The following TYW1B variants were observed in gnomAD, a reference collection of about 807,000 sequenced individuals.
TYW1B encodes S-adenosyl-L-methionine-dependent tRNA 4-demethylwyosine synthase TYW1B.
Under a neutral mutation model 86.9 loss-of-function variants are expected in TYW1B, and 73 were observed. That is an observed-to-expected ratio of 0.84 (90% CI 0.70 to 1.02). The LOEUF (loss-of-function observed/expected upper bound fraction) is 1.02. Ranked by LOEUF, TYW1B falls within the 50% of genes least tolerant of loss-of-function variation. TYW1B has a pLI of 0.00. For synonymous variants in TYW1B, 248 were observed against 292.8 expected (o/e 0.85, Z 1.56); for missense variants, 637 against 827.4 (o/e 0.77, Z 2.82).
At chr7:72,617,690 A>C (rs1285004987) in intron 12 of TYW1B, among the ~76,000 whole-genome samples, 4 of 152,238 alleles carry the variant, frequency 2.6e-5, no homozygotes, top group Admixed American at 1.3e-4. Flanking sequence ...TAAGGAGTTC[A>C]TTTTGTAATG....
At chr7:72,722,731 C>A (rs1256133200) in intron 9 of TYW1B, among the ~76,000 whole-genome samples, 1 of 152,162 alleles carries the variant, frequency 6.6e-6, no homozygotes, top group Non-Finnish European at 1.5e-5. Context: ...GGAACTCAGA[C>A]AATAAGCAAC....
intron 11 of TYW1B, among the ~76,000 whole-genome samples, chr7:72,663,586 G>A (rs868926205): frequency 7.9e-5 from 12 of 151,560 alleles, no homozygotes; most frequent in East Asian, 1.9e-4. Context: ...GTGAAACCCC[G>A]TCTTTACTAA....
chr7:72,630,804 A>T (rs1371405353), intron 11 of TYW1B, among the ~76,000 whole-genome samples: 1 of 152,170 alleles, frequency 6.6e-6, no homozygotes, highest in Non-Finnish European at 1.5e-5. Context: ...AATCTTCCAG[A>T]TTCCCTTTAC....
chr7:72,711,663 AT>A lies in TYW1B; in HGVS notation c.1370+1957del, dbSNP rs1786671901. Among the ~76,000 whole-genome samples the A allele has an allele frequency of 3.3e-5, 5 of 150,076 alleles. No individual in the cohort carries two copies. In the South Asian group the frequency reaches 1.1e-3, roughly 32 times the overall value. On this transcript the variant is annotated intron_variant, in intron 10 of 13. Coordinates refer to ENST00000620995, the MANE Select transcript of TYW1B (RefSeq NM_001145440.3). ...TATTATTATTATTATTTGTATTTGT[AT>A]TTTTAGTAGAGACGGGGTTTCACCA...
chr7:72,715,156 C>A (rs1332354668), intron 9 of TYW1B, among the ~76,000 whole-genome samples: 7 of 152,004 alleles, frequency 4.6e-5, no homozygotes, highest in Non-Finnish European at 1.0e-4. Flanking sequence ...AAACGCCAAT[C>A]TCTGGCGGAG....
intron 12 of TYW1B, among the ~76,000 whole-genome samples, chr7:72,627,374 G>A (rs528613731): frequency 2.0e-5 from 3 of 151,924 alleles, no homozygotes; most frequent in South Asian, 2.1e-4. Context: ...CTTGAACCCG[G>A]GAGGCGGAGG....
intron 7 of TYW1B, among the ~76,000 whole-genome samples, chr7:72,747,588 C>G (rs1375507353): frequency 7.2e-5 from 11 of 152,324 alleles, no homozygotes; most frequent in Admixed American, 7.2e-4. Context: ...TGTGACAGCA[C>G]AGTAAGCTAC....
At chr7:72,607,464 AAAAGAGAAGAAG>A (rs1417147274) in intron 13 of TYW1B, among the ~76,000 whole-genome samples, 1 of 150,376 alleles carries the variant, frequency 6.6e-6, no homozygotes, top group East Asian at 1.9e-4. Flanking sequence ...AAGAAGAAAG[AAAAGAGAAGAAG>A]GAAGAGAAGG....
intron 8 of TYW1B, among the ~76,000 whole-genome samples, chr7:72,736,669 T>C (rs1476318028): frequency 6.6e-6 from 1 of 152,224 alleles, no homozygotes; most frequent in Non-Finnish European, 1.5e-5. Context: ...TAATCTACTT[T>C]CTGTCTCTAC....
At chr7:72,695,499 C>T (rs1474057195) in intron 10 of TYW1B, among the ~76,000 whole-genome samples, 1 of 152,074 alleles carries the variant, frequency 6.6e-6, no homozygotes, top group African/African-American at 2.4e-5. Context: ...TCCATGAATA[C>T]CACTCATTCT....
intron 5 of TYW1B, among the ~76,000 whole-genome samples, 168 bp from the exon 6 acceptor site, chr7:72,802,690 G>A (rs1251055275): frequency 2.6e-5 from 4 of 151,858 alleles, no homozygotes; most frequent in South Asian, 2.1e-4. Context: ...GCGTCATCTC[G>A]GCTCACTGCA....
At chr7:72,718,269 T>C (rs1461924771) in intron 9 of TYW1B, among the ~76,000 whole-genome samples, 4 of 151,824 alleles carry the variant, frequency 2.6e-5, no homozygotes, top group African/African-American at 7.3e-5. Flanking sequence ...AACTAACCAA[T>C]GGGTACACAC....
At chr7:72,776,562 A>C (rs1431079093) in intron 7 of TYW1B, among the ~76,000 whole-genome samples, 1 of 149,194 alleles carries the variant, frequency 6.7e-6, no homozygotes, top group Non-Finnish European at 1.5e-5. Context: ...GTCTCAAAAA[A>C]AAAAAAAAAA....
intron 7 of TYW1B, among the ~76,000 whole-genome samples, chr7:72,757,525 C>G (rs903357864): frequency 1.3e-5 from 2 of 152,006 alleles, no homozygotes; most frequent in African/African-American, 2.4e-5. Flanking sequence ...ACAGGATAGA[C>G]AAATACATCA....
intron 7 of TYW1B, among the ~76,000 whole-genome samples, chr7:72,747,270 CA>C (rs1358842029): frequency 4.6e-5 from 7 of 152,120 alleles, no homozygotes; most frequent in Non-Finnish European, 8.8e-5. Flanking sequence ...ATGGGTTTAT[CA>C]GGGGTTTCCA....
intron 10 of TYW1B, among the ~76,000 whole-genome samples, chr7:72,703,022 A>ATTT (rs1814521516): frequency 4.2e-4 from 3 of 7,152 alleles, no homozygotes; most frequent in African/African-American, 7.9e-4. Flanking sequence ...ATATATATAT[A>ATTT]TATATTTTTT....
intron 8 of TYW1B, among the ~76,000 whole-genome samples, chr7:72,734,081 AC>A (rs1787159054): frequency 6.6e-6 from 1 of 151,974 alleles, no homozygotes; most frequent in Admixed American, 6.6e-5. Context: ...ACATAGTGAA[AC>A]CCCATCTCTA....
chr7:72,650,104 C>T (rs1231275991), intron 11 of TYW1B, among the ~76,000 whole-genome samples: 3 of 141,176 alleles, frequency 2.1e-5, no homozygotes, highest in East Asian at 2.1e-4. Flanking sequence ...TTAATAAAGA[C>T]GGGGTTTCAC....
At chr7:72,811,270 CAAAA>C (rs1243709262) in intron 3 of TYW1B, among the ~76,000 whole-genome samples, 5 of 67,834 alleles carry the variant, frequency 7.4e-5, no homozygotes, top group African/African-American at 2.8e-4. Context: ...GACTCCATCT[CAAAA>C]AAAAAAAAAA....
Sources: gnomAD v4.1 joint callset for allele counts (sites outside exome capture counted in the v4.1 genomes callset) on GRCh38, gnomAD v4.1.1 for gene constraint, MANE v1.5 for transcripts, NCBI Gene and HGNC (gene_info 2026-07-23, HGNC 2026-07-21) for gene names.